NMBR: variants seen among roughly 807,000 people sequenced by gnomAD.
The protein encoded by NMBR is neuromedin-B receptor.
NMBR carries 16 observed loss-of-function variants against 20.5 expected under a neutral mutation model. The observed-to-expected ratio is 0.78, with a 90% CI of 0.53 to 1.19. The LOEUF (loss-of-function observed/expected upper bound fraction) is 1.19, where lower values mean the gene tolerates loss of function less well. Ranked by LOEUF, NMBR falls within the 50% of genes most tolerant of loss-of-function variation. The probability of loss-of-function intolerance (pLI) is 0.00; values close to 1 mark genes in which losing one functional copy is unlikely to be tolerated. For synonymous variants in NMBR, 212 were observed against 196.6 expected (o/e 1.08, Z -0.65); for missense variants, 582 against 499.1 (o/e 1.17, Z -1.58).
At chr6:142,094,941 T>C (rs1010515891) in intron 1 of NMBR, among the ~76,000 whole-genome samples, 29 of 152,216 alleles carry the variant, frequency 1.9e-4, no homozygotes, top group Non-Finnish European at 1.0e-4. Context: ...ACTCATGATT[T>C]GGTTCTCTGT....
intron 1 of NMBR, among the ~76,000 whole-genome samples, chr6:142,131,921 A>T (rs1212202495): frequency 6.6e-6 from 1 of 152,218 alleles, no homozygotes; most frequent in Non-Finnish European, 1.5e-5. Flanking sequence ...ATTCCTTCTT[A>T]TGCAAATGGT....
chr6:142,144,301 T>C (rs1422323206), intron 1 of NMBR, among the ~76,000 whole-genome samples: 2 of 152,208 alleles, frequency 1.3e-5, no homozygotes, highest in Non-Finnish European at 2.9e-5. Context: ...CCTGATTACA[T>C]TGACTGATGC....
Position 142,075,594 on chromosome 6 carries a change from A to G in NMBR, c.*54T>C, listed in dbSNP as rs889855267. The G allele has an allele frequency of 5.3e-6, 8 of 1,496,384 alleles. No individual in the cohort carries two copies. Among genetic ancestry groups the G allele is most frequent in the East Asian group, 2.3e-5 (1 of 42,722 alleles). The allele number at this position is 1,496,384 out of a possible 1,614,324, so 92.7% of individuals were successfully genotyped here. ...AACAGCAAGTTCTGATCTGCCGAAT[A>G]GGAATTTTAACAGTTACTAAGTTCT... is the stretch of plus-strand genomic sequence containing the variant. On this transcript the variant is annotated 3_prime_UTR_variant, in exon 4 of 4. Coordinates refer to ENST00000258042, the MANE Select transcript of NMBR (RefSeq NM_002511.4).
intron 1 of NMBR, among the ~76,000 whole-genome samples, chr6:142,095,252 C>T (rs970228318): frequency 3.4e-4 from 51 of 152,172 alleles, no homozygotes; most frequent in African/African-American, 9.9e-4. Context: ...GGAATGCTTC[C>T]GGTTTTTGCC....
At chr6:142,104,369 T>C (rs1186948353) in intron 1 of NMBR, among the ~76,000 whole-genome samples, 1 of 152,210 alleles carries the variant, frequency 6.6e-6, no homozygotes, top group African/African-American at 2.4e-5. Context: ...TGAAAATCAT[T>C]TTTTATTTGG....
intron 1 of NMBR, among the ~76,000 whole-genome samples, chr6:142,098,296 A>G (rs9496266): frequency 2.1e-4 from 32 of 152,298 alleles, no homozygotes; most frequent in African/African-American, 7.5e-4. Flanking sequence ...TACTCTCACC[A>G]TTCCTTTTCA....
At chr6:142,109,160 T>C (rs1226477868) in intron 1 of NMBR, among the ~76,000 whole-genome samples, 1 of 152,204 alleles carries the variant, frequency 6.6e-6, no homozygotes, top group African/African-American at 2.4e-5. Context: ...CTGAGGCTTT[T>C]CAGGCACATG....
chr6:142,136,386 T>C (rs1404123502), intron 1 of NMBR, among the ~76,000 whole-genome samples: 9 of 152,242 alleles, frequency 5.9e-5, no homozygotes, highest in Admixed American at 5.2e-4. Context: ...TTGTAGATTC[T>C]GGATATTAGC....
rs766123699 is a variant in NMBR, at chr6:142,075,639, T to A, written c.*9A>T. On this transcript the variant is annotated 3_prime_UTR_variant, in exon 4 of 4. Transcript: ENST00000258042. ...AGTTCTCTCCAGGTAGTGAGTTGAA[T>A]GGCCAAAATCACAGTGCCATTTCCT... 6.3e-7 allele frequency: 1 copy of A among 1,594,882 alleles called. No homozygotes were observed. Among genetic ancestry groups the A allele is most frequent in the Admixed American group, 1.7e-5 (1 of 58,226 alleles).
chr6:142,092,792 G>C (rs1456499378), intron 1 of NMBR, among the ~76,000 whole-genome samples: 1 of 152,164 alleles, frequency 6.6e-6, no homozygotes, highest in Non-Finnish European at 1.5e-5. Flanking sequence ...AGAGAAAAGT[G>C]AGTCATACAG....
chr6:142,104,077 CTA>C (rs752114123), intron 1 of NMBR, among the ~76,000 whole-genome samples: 1 of 152,154 alleles, frequency 6.6e-6, no homozygotes, highest in African/African-American at 2.4e-5. Context: ...AAATAACTGA[CTA>C]TGTCGGCCAT....
At chr6:142,125,159 A>G (rs561059506) in intron 1 of NMBR, among the ~76,000 whole-genome samples, 1 of 151,990 alleles carries the variant, frequency 6.6e-6, no homozygotes, top group African/African-American at 2.4e-5. Context: ...TCTGTGAAAC[A>G]TACCATTCTG....
At chr6:142,122,080 T>C (rs1452279535) in intron 1 of NMBR, among the ~76,000 whole-genome samples, 1 of 151,990 alleles carries the variant, frequency 6.6e-6, no homozygotes, top group Non-Finnish European at 1.5e-5. Flanking sequence ...AAATGGTTCC[T>C]TTAAGGTATG....
chr6:142,145,368 T>C (rs1310444042), intron 1 of NMBR, among the ~76,000 whole-genome samples: 1 of 152,148 alleles, frequency 6.6e-6, no homozygotes, highest in African/African-American at 2.4e-5. Context: ...CAAGTAGTAA[T>C]GGCTAGGTGC....
rs111434578 is a variant in NMBR at position 142,107,979 on chromosome 6, C to G, written c.-663-18658G>C. On this transcript the variant is annotated intron_variant, in intron 1 of 3. Coordinates refer to ENST00000258042, the MANE Select transcript of NMBR (RefSeq NM_002511.4). The stretch of plus-strand genomic sequence containing the variant: ...GTGCTCAGCAGTAGATTTGAACTGG[C>G]AGAAGAATCAGTGAAATTAAAGATA... Among the ~76,000 whole-genome samples, 1,064 of 151,338 alleles carry G rather than the reference C, an allele frequency of 7.0e-3. 16 individuals carry two copies. The highest frequency in any genetic ancestry group is 0.025 in the African/African-American group (1,014 of 41,232).
At chr6:142,123,637 C>CA (rs1336807841) in intron 1 of NMBR, among the ~76,000 whole-genome samples, 1 of 151,894 alleles carries the variant, frequency 6.6e-6, no homozygotes, top group Non-Finnish European at 1.5e-5. Context: ...ACATCCCAAT[C>CA]AGTCAGCAGC....
At chr6:142,141,584 A>G (rs1274405944) in intron 1 of NMBR, among the ~76,000 whole-genome samples, 1 of 151,510 alleles carries the variant, frequency 6.6e-6, no homozygotes, top group Non-Finnish European at 1.5e-5. Flanking sequence ...GACTCACTGC[A>G]ACCTCTGCAT....
In NMBR at chr6:142,074,855, A is replaced by T. The variant is rs1426049249; in HGVS notation, c.*793T>A. Among the ~76,000 whole-genome samples, 2 of 152,140 alleles carry T rather than the reference A, an allele frequency of 1.3e-5. No individual in the cohort carries two copies. Among genetic ancestry groups the T allele is most frequent in the Non-Finnish European group, 2.9e-5 (2 of 67,996 alleles). ...TACATTCATAATGTAAATCATATTC[A>T]TATGATACCTATTTTACATTCATAA... On this transcript the variant is annotated 3_prime_UTR_variant, in exon 4 of 4. Coordinates refer to ENST00000258042, the MANE Select transcript of NMBR (RefSeq NM_002511.4).
At chr6:142,084,918 T>A (rs940308505) in intron 2 of NMBR, among the ~76,000 whole-genome samples, 10 of 152,336 alleles carry the variant, frequency 6.6e-5, no homozygotes, top group Admixed American at 2.0e-4. Context: ...TGTGTGTATG[T>A]GTGTATGTAT....
Sources: gnomAD v4.1 joint callset for allele counts (sites outside exome capture counted in the v4.1 genomes callset) on GRCh38, gnomAD v4.1.1 for gene constraint, MANE v1.5 for transcripts, NCBI Gene and HGNC (gene_info 2026-07-23, HGNC 2026-07-21) for gene names.